Variants in SHISA9 observed in about 807,000 individuals in gnomAD.
SHISA9 encodes shisa family member 9, also known as protein shisa-9.
Under a neutral mutation model 38.0 loss-of-function variants are expected in SHISA9, and 13 were observed. The ratio of observed to expected loss-of-function variants is 0.34; its 90% CI spans 0.22 to 0.54. SHISA9 has a LOEUF of 0.54. Among genes scored for constraint, SHISA9 ranks in the 20% least tolerant of loss-of-function variants. The pLI is 0.91. For synonymous variants in SHISA9, 275 were observed against 242.0 expected, an observed-to-expected ratio of 1.14 and a Z score of -1.27; for missense variants, 538 against 575.8, an observed-to-expected ratio of 0.93 and a Z score of 0.67.
the SHISA9 span, among the ~76,000 whole-genome samples, chr16:13,376,041 G>A: frequency 6.6e-6 from 1 of 152,258 alleles, no homozygotes; most frequent in Middle Eastern, 3.4e-3. Context: ...AATCAAAACA[G>A]GTACCCAGGT....
intron 2 of SHISA9, among the ~76,000 whole-genome samples, chr16:13,021,833 T>A (rs894551848): frequency 6.6e-6 from 1 of 152,184 alleles, no homozygotes; most frequent in East Asian, 1.9e-4. Flanking sequence ...CATTCTTTTC[T>A]CCATGGGCTG....
chr16:13,025,056 C>A (rs920066916), intron 2 of SHISA9, among the ~76,000 whole-genome samples: 1 of 152,146 alleles, frequency 6.6e-6, no homozygotes, highest in South Asian at 2.1e-4. Flanking sequence ...AGCATAACAT[C>A]ATTTCCTCTT....
chr16:12,925,804 A>G (rs2071386485), intron 2 of SHISA9, among the ~76,000 whole-genome samples: 1 of 152,234 alleles, frequency 6.6e-6, no homozygotes, highest in African/African-American at 2.4e-5. Context: ...TATAGCATTG[A>G]TACTTAGTGT....
the SHISA9 span, among the ~76,000 whole-genome samples, chr16:13,260,007 C>CCTTTTT: frequency 1.7e-5 from 1 of 60,446 alleles, no homozygotes; most frequent in African/African-American, 6.6e-5. Context: ...TTCTTTCTTT[C>CCTTTTT]TTTTTTTTTT....
chr16:13,287,538 A>G, the SHISA9 span, among the ~76,000 whole-genome samples: 1 of 152,208 alleles, frequency 6.6e-6, no homozygotes, highest in Non-Finnish European at 1.5e-5. Context: ...TGAACATAAT[A>G]TGATTCAAAA....
chr16:12,983,357 G>A (rs931422317), intron 2 of SHISA9, among the ~76,000 whole-genome samples: 2 of 152,238 alleles, frequency 1.3e-5, no homozygotes, highest in Admixed American at 1.3e-4. Flanking sequence ...AAACGGGAAT[G>A]TTTGTCCCTC....
At chr16:13,284,118 C>G in the SHISA9 span, among the ~76,000 whole-genome samples, 3 of 152,186 alleles carry the variant, frequency 2.0e-5, no homozygotes, top group Admixed American at 1.3e-4. Context: ...AAACTCTGCT[C>G]TCTGCCTTCT....
chr16:12,945,462 T>C (rs2141766114), intron 2 of SHISA9, among the ~76,000 whole-genome samples: 1 of 152,324 alleles, frequency 6.6e-6, no homozygotes, highest in South Asian at 2.1e-4. Flanking sequence ...TGGTTATAAA[T>C]GTAATAGGTA....
chr16:12,924,847 G>T (rs1228056155), intron 2 of SHISA9, among the ~76,000 whole-genome samples: 7 of 152,314 alleles, frequency 4.6e-5, no homozygotes, highest in African/African-American at 1.7e-4. Context: ...CTGTGTACTT[G>T]TTCACTGTGC....
chr16:13,423,624 TAAC>T, the SHISA9 span, among the ~76,000 whole-genome samples: 1 of 152,204 alleles, frequency 6.6e-6, no homozygotes, highest in Non-Finnish European at 1.5e-5. Flanking sequence ...TTGGAGCTGA[TAAC>T]AACACCCACT....
intron 2 of SHISA9, among the ~76,000 whole-genome samples, chr16:13,004,156 T>C (rs2072565404): frequency 6.6e-6 from 1 of 152,184 alleles, no homozygotes; most frequent in South Asian, 2.1e-4. Context: ...GGTGGGTCTC[T>C]TCTTTAAGCC....
intron 1 of SHISA9, chr16:12,908,555 G>A: frequency 6.4e-7 from 1 of 1,551,892 alleles, no homozygotes; most frequent in Non-Finnish European, 8.7e-7. Context: ...AGAGTGGAGT[G>A]TCGGACTTCA....
At chr16:13,295,116 T>A in the SHISA9 span, among the ~76,000 whole-genome samples, 1 of 152,238 alleles carries the variant, frequency 6.6e-6, no homozygotes, top group East Asian at 1.9e-4. Flanking sequence ...CTAGATTTCA[T>A]GCTCTTAATT....
chr16:13,216,544 C>T (rs1429245001), intron 4 of SHISA9, among the ~76,000 whole-genome samples: 1 of 152,190 alleles, frequency 6.6e-6, no homozygotes, highest in Non-Finnish European at 1.5e-5. Context: ...ATTTCCCAAA[C>T]ACTTTTGACA....
At chr16:12,932,528 A>G (rs1462880453) in intron 2 of SHISA9, among the ~76,000 whole-genome samples, 4 of 152,050 alleles carry the variant, frequency 2.6e-5, no homozygotes, top group Admixed American at 6.6e-5. Context: ...TTTAGTAGAG[A>G]TGGGGTTTCA....
chr16:13,218,237 C>A (rs1236947316), intron 4 of SHISA9, among the ~76,000 whole-genome samples: 1 of 152,160 alleles, frequency 6.6e-6, no homozygotes, highest in African/African-American at 2.4e-5. Context: ...ACGCTTGTTA[C>A]AAATGTAGAT....
At chr16:13,286,278 C>A in the SHISA9 span, among the ~76,000 whole-genome samples, 1 of 152,164 alleles carries the variant, frequency 6.6e-6, no homozygotes. Flanking sequence ...CCCCCTGAGG[C>A]TGTGTCACAG....
chr16:13,051,471 A>G (rs2073250286), intron 2 of SHISA9, among the ~76,000 whole-genome samples: 2 of 152,148 alleles, frequency 1.3e-5, no homozygotes, highest in Admixed American at 6.5e-5. Flanking sequence ...ATGAATATCG[A>G]CTACTTCTGG....
chr16:13,076,026 T>C lies in SHISA9; in HGVS notation c.692-127368T>C, dbSNP rs1031851925. Among the ~76,000 whole-genome samples, 12 of 148,980 alleles carry C rather than the reference T, an allele frequency of 8.1e-5. No homozygotes were observed. The East Asian group carries it at 2.3e-3, about 29-fold the overall frequency. ...GAGAAAATCAACCCCCATTGAGAAA[T>C]AGATTTTTTTTTTTTTTTTTTTGAG... is the stretch of plus-strand genomic sequence containing the variant. On this transcript the variant is annotated intron_variant, in intron 2 of 4. Coordinates refer to ENST00000558583, the MANE Select transcript of SHISA9 (RefSeq NM_001145204.3).
Sources: gnomAD v4.1 joint callset for allele counts (sites outside exome capture counted in the v4.1 genomes callset) on GRCh38, gnomAD v4.1.1 for gene constraint, MANE v1.5 for transcripts, NCBI Gene and HGNC (gene_info 2026-07-23, HGNC 2026-07-21) for gene names.